Variants in TAS2R1 observed in about 807,000 individuals in gnomAD.
TAS2R1 encodes the protein taste receptor type 2 member 1.
For synonymous variants in TAS2R1, 141 were observed against 134.2 expected, an observed-to-expected ratio of 1.05 and a Z score of -0.35; for missense variants, 370 against 353.4, an observed-to-expected ratio of 1.05 and a Z score of -0.38.
At chr5:9,826,160 T>C in the TAS2R1 span, among the ~76,000 whole-genome samples, 1 of 152,226 alleles carries the variant, frequency 6.6e-6, no homozygotes, top group Admixed American at 6.5e-5. Flanking sequence ...TCTATCATTA[T>C]AATGTCCTTC....
chr5:9,840,878 T>A, the TAS2R1 span, among the ~76,000 whole-genome samples: 32,451 of 90,630 alleles, frequency 0.36, 4,284 homozygotes, highest in East Asian at 0.53. Flanking sequence ...TTTTTTTTTT[T>A]TTTTTTTTTT....
chr5:9,701,418 C>T (rs897648575), intron 1 of TAS2R1, among the ~76,000 whole-genome samples: 19 of 152,116 alleles, frequency 1.2e-4, no homozygotes, highest in African/African-American at 4.6e-4. Context: ...GAGCAAACTG[C>T]CTTTCTGACA....
upstream of TAS2R1, among the ~76,000 whole-genome samples, chr5:9,632,902 C>T (rs1739894777): frequency 6.6e-6 from 1 of 151,840 alleles, no homozygotes; most frequent in Non-Finnish European, 1.5e-5. Context: ...TTTTAACCTC[C>T]TTCCATGAAT....
At chr5:9,739,301 C>T in the TAS2R1 span, among the ~76,000 whole-genome samples, 13 of 152,240 alleles carry the variant, frequency 8.5e-5, no homozygotes, top group African/African-American at 2.2e-4. Flanking sequence ...CTGGTCCCTC[C>T]GTCACCTTCC....
At chr5:9,642,740 C>T (rs1436050086) in intron 2 of TAS2R1, among the ~76,000 whole-genome samples, 1 of 152,158 alleles carries the variant, frequency 6.6e-6, no homozygotes, top group African/African-American at 2.4e-5. Flanking sequence ...TGGAGCAATG[C>T]AATACATTGA....
intron 1 of TAS2R1, among the ~76,000 whole-genome samples, chr5:9,705,684 C>A (rs1176842861): frequency 2.0e-5 from 3 of 152,116 alleles, no homozygotes; most frequent in African/African-American, 7.2e-5. Context: ...TATGGTGAAA[C>A]ACCATCTCTA....
At chr5:9,724,108 T>G in the TAS2R1 span, among the ~76,000 whole-genome samples, 2 of 152,186 alleles carry the variant, frequency 1.3e-5, no homozygotes, top group Admixed American at 1.3e-4. Flanking sequence ...GGAAGAACAG[T>G]CTTCAATTCC....
the TAS2R1 span, among the ~76,000 whole-genome samples, chr5:9,784,988 C>T: frequency 6.6e-6 from 1 of 152,140 alleles, no homozygotes. Flanking sequence ...AGACACAATT[C>T]AACCCAGAAC....
At chr5:9,759,998 T>C in the TAS2R1 span, among the ~76,000 whole-genome samples, 2 of 152,286 alleles carry the variant, frequency 1.3e-5, no homozygotes, top group South Asian at 4.1e-4. Context: ...ACACAAATTA[T>C]CAATATCAGA....
chr5:9,842,284 C>CCTATATT, the TAS2R1 span, among the ~76,000 whole-genome samples: 2 of 150,206 alleles, frequency 1.3e-5, no homozygotes, highest in Admixed American at 6.6e-5. Context: ...GAAGGTTCAA[C>CCTATATT]CTATATTCTG....
the TAS2R1 span, among the ~76,000 whole-genome samples, chr5:9,795,579 G>A: frequency 4.9e-3 from 745 of 152,274 alleles, 9 homozygotes; most frequent in African/African-American, 0.017. Context: ...AGAAGATGAA[G>A]CTGCTATAGG....
At chr5:9,856,918 A>G in the TAS2R1 span, among the ~76,000 whole-genome samples, 3 of 152,236 alleles carry the variant, frequency 2.0e-5, no homozygotes, top group African/African-American at 7.2e-5. Flanking sequence ...TAAAGAATAT[A>G]TGGTATATAT....
At chr5:9,747,374 T>C in the TAS2R1 span, among the ~76,000 whole-genome samples, 2 of 152,068 alleles carry the variant, frequency 1.3e-5, no homozygotes, top group Non-Finnish European at 2.9e-5. Flanking sequence ...CACAGTTCTG[T>C]AGAACATTCA....
the TAS2R1 span, among the ~76,000 whole-genome samples, chr5:9,777,003 A>G: frequency 6.6e-6 from 1 of 152,240 alleles, no homozygotes; most frequent in African/African-American, 2.4e-5. Context: ...TTTTTGATAA[A>G]AAATGCTAAC....
the TAS2R1 span, among the ~76,000 whole-genome samples, chr5:9,809,914 C>A: frequency 2.0e-5 from 3 of 152,226 alleles, no homozygotes; most frequent in Non-Finnish European, 4.4e-5. Flanking sequence ...AACTATCTGA[C>A]ATGCCTAAAA....
chr5:9,830,723 G>C, the TAS2R1 span, among the ~76,000 whole-genome samples: 1 of 152,108 alleles, frequency 6.6e-6, no homozygotes, highest in South Asian at 2.1e-4. Flanking sequence ...TGATACCAAA[G>C]TAAGAATCAT....
rs1003408357 is a variant in TAS2R1 at position 9,628,698 on chromosome 5, G to A, written c.*435C>T. Among the ~76,000 whole-genome samples, 10 of 152,184 alleles carry A rather than the reference G, an allele frequency of 6.6e-5. No homozygotes were observed. Among genetic ancestry groups the A allele is most frequent in the East Asian group, 1.9e-4 (1 of 5,202 alleles). On this transcript the variant is annotated 3_prime_UTR_variant, in exon 1 of 1. Coordinates refer to ENST00000382492, the MANE Select transcript of TAS2R1 (RefSeq NM_019599.3). ...CAGGAAAAACCATCAAAGACAAGGC[G>A]TCAGATATTCATGGACCATACAGCA...
chr5:9,672,844 T>C (rs76910831), intron 1 of TAS2R1, among the ~76,000 whole-genome samples: 19 of 152,142 alleles, frequency 1.2e-4, no homozygotes, highest in African/African-American at 4.6e-4. Flanking sequence ...CACATGCACA[T>C]GTAAGTTCAT....
chr5:9,871,526 C>T, the TAS2R1 span, among the ~76,000 whole-genome samples: 27 of 152,194 alleles, frequency 1.8e-4, no homozygotes, highest in Non-Finnish European at 2.8e-4. Flanking sequence ...AGCCCTGGCT[C>T]GCCAGAGCAA....
Sources: allele counts gnomAD v4.1 joint callset (sites outside exome capture counted in the v4.1 genomes callset), GRCh38; gene constraint gnomAD v4.1.1; transcripts MANE v1.5; gene names NCBI Gene and HGNC (gene_info 2026-07-23, HGNC 2026-07-21).